The following SOX6 variants were observed in gnomAD, a reference collection of about 807,000 sequenced individuals.
SOX6 encodes the protein transcription factor SOX-6.
In SOX6, 11 loss-of-function variants were observed where a neutral mutation model predicts 97.8. The observed-to-expected ratio is 0.11, with a 90% CI of 0.07 to 0.19. The LOEUF (loss-of-function observed/expected upper bound fraction) is 0.19. Among genes scored for constraint, SOX6 ranks in the 10% least tolerant of loss-of-function variants. SOX6 has a pLI of 1.00. For missense variants in SOX6, 810 were observed against 1,039.5 expected, an observed-to-expected ratio of 0.78 and a Z score of 3.04; for synonymous variants, 360 against 371.4, an observed-to-expected ratio of 0.97 and a Z score of 0.35.
At chr11:16,035,938 A>C (rs1224898878) in intron 12 of SOX6, among the ~76,000 whole-genome samples, 1 of 152,174 alleles carries the variant, frequency 6.6e-6, no homozygotes, top group Non-Finnish European at 1.5e-5. Context: ...ACTGAGTGCC[A>C]GAGAGACAGA....
intron 7 of SOX6, among the ~76,000 whole-genome samples, chr11:16,107,906 C>T (rs1849136159): frequency 1.3e-5 from 2 of 152,180 alleles, no homozygotes; most frequent in South Asian, 4.1e-4. Flanking sequence ...AGCTTTTGGG[C>T]CGCATTTCCA....
chr11:16,186,214 T>C (rs1851470265), intron 5 of SOX6, among the ~76,000 whole-genome samples: 1 of 152,176 alleles, frequency 6.6e-6, no homozygotes, highest in Admixed American at 6.5e-5. Context: ...ATGCTATAAA[T>C]AGTGACCATG....
intron 6 of SOX6, among the ~76,000 whole-genome samples, chr11:16,123,608 T>C (rs990523034): frequency 6.6e-6 from 1 of 152,050 alleles, no homozygotes; most frequent in Non-Finnish European, 1.5e-5. Flanking sequence ...ACAAAGCTAA[T>C]GACATGCACA....
chr11:16,733,014 C>T (rs1407387827), intron 2 of SOX6, among the ~76,000 whole-genome samples: 1 of 152,146 alleles, frequency 6.6e-6, no homozygotes. Flanking sequence ...TAGAGAAATG[C>T]AAATCAAAAC....
chr11:16,312,914 T>C (rs1855647864), intron 3 of SOX6: 1 of 152,196 alleles, frequency 6.6e-6, no homozygotes, highest in Non-Finnish European at 1.5e-5. Flanking sequence ...GTACACTCTA[T>C]CTACCAATGT....
rs1475678441 is a variant in SOX6 at position 15,968,945 on chromosome 11, T to C, written c.*3864A>G. The C allele has an allele frequency of 6.6e-6, 1 of 152,208 alleles. No individual in the cohort carries two copies. 9.4% of individuals were successfully genotyped at this position (152,208 alleles called of 1,614,324 possible). On this transcript the variant is annotated 3_prime_UTR_variant, in exon 16 of 16. Coordinates refer to ENST00000683767, the MANE Select transcript of SOX6 (RefSeq NM_001367873.1). ...ACTGGAAAAGACACTGCTTCATATC[T>C]GCCAATGAAATAGAAAAGTTGTCAG...
At chr11:16,168,647 C>T (rs575802971) in intron 6 of SOX6, among the ~76,000 whole-genome samples, 2 of 152,196 alleles carry the variant, frequency 1.3e-5, no homozygotes, top group African/African-American at 4.8e-5. Context: ...TTTTTCTTCT[C>T]CAAGTCACAT....
intron 10 of SOX6, among the ~76,000 whole-genome samples, chr11:16,052,853 T>C (rs1480881181): frequency 6.6e-6 from 1 of 152,190 alleles, no homozygotes; most frequent in Non-Finnish European, 1.5e-5. Flanking sequence ...GGGAATCTAC[T>C]TGATGCCCAT....
intron 6 of SOX6, among the ~76,000 whole-genome samples, chr11:16,176,768 G>C (rs2134091941): frequency 6.6e-6 from 1 of 152,012 alleles, no homozygotes; most frequent in Middle Eastern, 3.4e-3. Flanking sequence ...CTAGGAAACT[G>C]AAGTGCAGTA....
intron 3 of SOX6, among the ~76,000 whole-genome samples, chr11:16,654,352 T>C (rs1847695271): frequency 6.6e-6 from 1 of 152,116 alleles, no homozygotes; most frequent in South Asian, 2.1e-4. Flanking sequence ...GTGTGTGTGT[T>C]TGTGGTGACA....
intron 13 of SOX6, among the ~76,000 whole-genome samples, chr11:15,999,676 T>C (rs774962434): frequency 2.0e-5 from 3 of 152,110 alleles, no homozygotes; most frequent in Non-Finnish European, 4.4e-5. Context: ...TCAAAGATAA[T>C]CTCATTTACT....
At position 16,525,548 on chromosome 11, in the gene SOX6, T is replaced by A. The variant is rs534498017; in HGVS notation, n.610-49160A>T. Among the ~76,000 whole-genome samples the A allele has an allele frequency of 5.4e-4, 82 of 151,172 alleles. 1 individual carries two copies. The highest frequency in any genetic ancestry group is 3.0e-3 in the Admixed American group (46 of 15,182). ...AAAACCCTAGAAGAAAACCTAGGCA[T>A]TACCATTCAGGACATAGGCATGGGC... On this transcript the variant is annotated intron_variant and non_coding_transcript_variant, in intron 4 of 5. Coordinates refer to the SOX6 transcript ENST00000524520.
intron 4 of SOX6, among the ~76,000 whole-genome samples, chr11:16,203,966 T>C (rs1852005901): frequency 2.0e-5 from 3 of 151,924 alleles, no homozygotes; most frequent in African/African-American, 7.2e-5. Context: ...AAAAAAAATA[T>C]CAAAAAATGG....
At chr11:16,351,073 T>C (rs1856935844) in intron 1 of SOX6, among the ~76,000 whole-genome samples, 1 of 152,122 alleles carries the variant, frequency 6.6e-6, no homozygotes. Context: ...TCCCCAACAC[T>C]AAACTCTCTC....
intron 2 of SOX6, among the ~76,000 whole-genome samples, chr11:16,328,857 GT>G (rs917522993): frequency 1.3e-5 from 2 of 151,990 alleles, no homozygotes; most frequent in African/African-American, 2.4e-5. Context: ...AAAAAAGTAT[GT>G]TTTTTTCTAA....
intron 7 of SOX6, among the ~76,000 whole-genome samples, chr11:16,098,914 C>T (rs1303337105): frequency 2.0e-5 from 3 of 151,730 alleles, no homozygotes; most frequent in Non-Finnish European, 2.9e-5. Context: ...GACTCTGGTT[C>T]CTGGGAACTC....
chr11:16,414,581 A>C (rs1010154935), intron 1 of SOX6, among the ~76,000 whole-genome samples: 1 of 152,142 alleles, frequency 6.6e-6, no homozygotes, highest in African/African-American at 2.4e-5. Flanking sequence ...AAAACACAAA[A>C]CTTTCCATCA....
upstream of SOX6, among the ~76,000 whole-genome samples, chr11:16,357,808 A>T (rs1224107941): frequency 3.3e-5 from 5 of 152,200 alleles, no homozygotes; most frequent in Admixed American, 6.5e-5. Context: ...TCCCATAATA[A>T]CTAGCTACAT....
chr11:16,276,777 T>C (rs901519687), intron 3 of SOX6, among the ~76,000 whole-genome samples: 5 of 152,270 alleles, frequency 3.3e-5, no homozygotes, highest in Admixed American at 6.5e-5. Context: ...TAAGCTACAG[T>C]GTGTTGAGTA....
Sources: allele counts gnomAD v4.1 joint callset (sites outside exome capture counted in the v4.1 genomes callset), GRCh38; gene constraint gnomAD v4.1.1; transcripts MANE v1.5; gene names NCBI Gene and HGNC (gene_info 2026-07-23, HGNC 2026-07-21).